Variants in SLC26A4 observed in about 807,000 individuals in gnomAD.
SLC26A4 encodes the protein pendrin.
In SLC26A4, 93 loss-of-function variants were observed where a neutral mutation model predicts 90.4. The ratio of observed to expected loss-of-function variants is 1.03; its 90% CI spans 0.87 to 1.22. SLC26A4 has a LOEUF of 1.22. Among genes scored for constraint, SLC26A4 ranks in the 50% most tolerant of loss-of-function variants. The pLI, the probability that SLC26A4 is intolerant of heterozygous loss-of-function variation, is 0.00. For missense variants in SLC26A4, 1,127 were observed against 946.2 expected (o/e 1.19, Z -2.51); for synonymous variants, 393 against 354.6 (o/e 1.11, Z -1.22).
chr7:107,697,906 A>G (rs923760644), intron 13 of SLC26A4, 136 bp from the exon 14 acceptor site: 4 of 693,860 alleles, frequency 5.8e-6, no homozygotes, highest in African/African-American at 5.3e-5. Flanking sequence ...AGTTAGCTAC[A>G]GGAAAATGTC....
At chr7:107,704,507 G>A (rs1440631160) in intron 18 of SLC26A4, 122 bp downstream of exon 18, 2 of 602,808 alleles carry the variant, frequency 3.3e-6, no homozygotes, top group East Asian at 2.9e-5. Context: ...GATCTCAATT[G>A]TCATTATTTG....
At chr7:107,693,530 C>G in intron 10 of SLC26A4, 2 of 985,356 alleles carry the variant, frequency 2.0e-6, no homozygotes, top group Non-Finnish European at 2.4e-6. Flanking sequence ...AGTTCCCTGT[C>G]TCCTTTTCTT....
rs571878207 is a variant in SLC26A4, at chr7:107,683,651, C to T, written c.1001+114C>T. The T allele has an allele frequency of 1.2e-5, 10 of 810,924 alleles. No homozygotes were observed. In the South Asian group the frequency reaches 1.6e-4, roughly 13 times the overall value. The allele number at this position is 810,924 out of a possible 1,614,324, so 50.2% of individuals were successfully genotyped here. A position where few individuals can be genotyped will look rare whatever the true frequency, so the allele number is the denominator to read the frequency against. ...TTTCACTGATACTCCTTCAATAGTC[C>T]TATTTGTGTGTGATCTGGAAGAAAC... On this transcript the variant is annotated intron_variant, in intron 8 of 20. Coordinates refer to ENST00000644269, the MANE Select transcript of SLC26A4 (RefSeq NM_000441.2).
chr7:107,664,186 A>G (rs1790649374), intron 3 of SLC26A4, among the ~76,000 whole-genome samples: 2 of 152,190 alleles, frequency 1.3e-5, no homozygotes, highest in African/African-American at 2.4e-5. Flanking sequence ...ATTGCAGCAC[A>G]TTAAATTATT....
chr7:107,705,730 G>T (rs1304592108), intron 18 of SLC26A4, among the ~76,000 whole-genome samples: 1 of 152,190 alleles, frequency 6.6e-6, no homozygotes, highest in Non-Finnish European at 1.5e-5. Context: ...AGTGAAAGAG[G>T]TAGGCACAAG....
chr7:107,690,651 A>G (rs1239410301), intron 10 of SLC26A4, among the ~76,000 whole-genome samples: 1 of 152,168 alleles, frequency 6.6e-6, no homozygotes, highest in Non-Finnish European at 1.5e-5. Flanking sequence ...CATTTCCTTT[A>G]GAAGGATCAG....
intron 8 of SLC26A4, among the ~76,000 whole-genome samples, chr7:107,688,355 A>T (rs746041729): frequency 6.6e-6 from 1 of 152,178 alleles, no homozygotes; most frequent in Non-Finnish European, 1.5e-5. Context: ...GATAGTCATC[A>T]AGATATAGGT....
intron 5 of SLC26A4, 98 bp from the exon 6 acceptor site, chr7:107,674,847 A>C: frequency 8.8e-7 from 1 of 1,137,212 alleles, no homozygotes; most frequent in Non-Finnish European, 1.3e-6. Flanking sequence ...GCAGGCTACT[A>C]GTGTTTTCAT....
intron 6 of SLC26A4, among the ~76,000 whole-genome samples, chr7:107,678,750 A>G (rs962093097): frequency 6.7e-6 from 1 of 150,120 alleles, no homozygotes; most frequent in Non-Finnish European, 1.5e-5. Flanking sequence ...AAAAAAAAAA[A>G]ATCAGCAGGT....
At position 107,661,565 on chromosome 7, in the gene SLC26A4, T is replaced by C; in HGVS notation, c.-3-74T>C. On this transcript the variant is annotated intron_variant, in intron 1 of 20. Transcript: ENST00000644269. This position sits in a 1 kb window ranked among gnomAD's most constrained non-coding sequence, Gnocchi z 5.1. ...AGCTAACAGGTGATCCCGTTCTTTCTGTTCCTCGCTCTTCCCCTCCGATCG... is the reference window on the plus strand; with the variant it reads ...AGCTAACAGGTGATCCCGTTCTTTCCGTTCCTCGCTCTTCCCCTCCGATCG... The C allele has an allele frequency of 6.8e-7, 1 of 1,463,110 alleles. No homozygotes were observed. The highest frequency in any genetic ancestry group is 9.3e-7 in the Non-Finnish European group (1 of 1,080,886). The allele number at this position is 1,463,110 out of a possible 1,614,324, so 90.6% of individuals were successfully genotyped here.
chr7:107,715,105 G>A (rs543067332), intron 20 of SLC26A4, among the ~76,000 whole-genome samples: 3 of 146,510 alleles, frequency 2.0e-5, no homozygotes, highest in South Asian at 2.3e-4. Flanking sequence ...TGTGGTGGCA[G>A]GCACCTGTAA....
chr7:107,697,796 G>T (rs777478933), intron 13 of SLC26A4, among the ~76,000 whole-genome samples: 1 of 152,182 alleles, frequency 6.6e-6, no homozygotes, highest in Non-Finnish European at 1.5e-5. Context: ...TGTTGTGCAC[G>T]TGCAAGTATG....
chr7:107,711,663 G>A (rs1792192464), intron 19 of SLC26A4, among the ~76,000 whole-genome samples: 1 of 152,180 alleles, frequency 6.6e-6, no homozygotes, highest in African/African-American at 2.4e-5. Flanking sequence ...TGATAAGTAG[G>A]TGAATGATGA....
chr7:107,698,045 T>C lies in SLC26A4; in HGVS notation c.1548T>C (p.Pro516=), dbSNP rs2129317521. ...ACCTTGATATTTTTTCTTCTAGTCC[T>C]TCTTGGAATGGCCTTGGAAGCATCC... ...LLTVVLRVQF[P]SWNGLGSIPS... is the part of the protein sequence containing the mutation. Residue 516 remains proline (P), a synonymous_variant, in exon 14 of 21, where the codon CCT becomes CCC. Coordinates refer to ENST00000644269, the MANE Select transcript of SLC26A4 (RefSeq NM_000441.2). 6.2e-7 allele frequency: 1 copy of C among 1,605,102 alleles called. No homozygotes were observed. The highest frequency in any genetic ancestry group is 8.5e-7 in the Non-Finnish European group (1 of 1,171,852).
intron 6 of SLC26A4, among the ~76,000 whole-genome samples, chr7:107,681,807 A>T (rs1018379942): frequency 6.6e-6 from 1 of 151,994 alleles, no homozygotes; most frequent in African/African-American, 2.4e-5. Context: ...TTTTTTGGCC[A>T]GTTGTGGTAG....
intron 6 of SLC26A4, among the ~76,000 whole-genome samples, chr7:107,675,574 CTTTTTTTTT>C (rs563755979): frequency 7.6e-6 from 1 of 131,010 alleles, no homozygotes; most frequent in Admixed American, 7.8e-5. Flanking sequence ...TTCTTTCTTT[CTTTTTTTTT>C]TTTTTTTTGA....
chr7:107,683,863 AT>A (rs2129314658), intron 8 of SLC26A4, among the ~76,000 whole-genome samples: 1 of 152,270 alleles, frequency 6.6e-6, no homozygotes, highest in East Asian at 1.9e-4. Context: ...TCTCAGTAAC[AT>A]CTATTGCACT....
chr7:107,711,467 G>A (rs557368032), intron 19 of SLC26A4, among the ~76,000 whole-genome samples: 1 of 152,240 alleles, frequency 6.6e-6, no homozygotes, highest in South Asian at 2.1e-4. Context: ...TTTGCAATCA[G>A]AGAGGTATTG....
intron 20 of SLC26A4, among the ~76,000 whole-genome samples, chr7:107,714,633 A>G (rs1227178419): frequency 2.6e-5 from 4 of 152,156 alleles, no homozygotes; most frequent in African/African-American, 9.7e-5. Context: ...CACGTAAAAT[A>G]ATCATTCAGG....
Sources: allele counts gnomAD v4.1 joint callset (sites outside exome capture counted in the v4.1 genomes callset), GRCh38; gene constraint gnomAD v4.1.1; non-coding constraint Gnocchi (gnomAD v3.1); transcripts MANE v1.5; gene names NCBI Gene and HGNC (gene_info 2026-07-23, HGNC 2026-07-21).